The following TTC34 variants were observed in gnomAD, a reference collection of about 807,000 sequenced individuals.
TTC34 encodes the protein tetratricopeptide repeat protein 34.
In TTC34, 44 loss-of-function variants were observed where a neutral mutation model predicts 40.7. That is an observed-to-expected ratio of 1.08 (90% CI 0.85 to 1.39). The LOEUF (loss-of-function observed/expected upper bound fraction) is 1.39. TTC34 is among the 40% of genes most tolerant of loss of function. The pLI is 0.00. For missense variants in TTC34, 884 were observed against 838.0 expected, an observed-to-expected ratio of 1.05 and a Z score of -0.68; for synonymous variants, 422 against 398.6, an observed-to-expected ratio of 1.06 and a Z score of -0.70.
At chr1:2,782,941 T>C (rs977080843) in intron 6 of TTC34, among the ~76,000 whole-genome samples, 2 of 152,246 alleles carry the variant, frequency 1.3e-5, no homozygotes, top group Non-Finnish European at 2.9e-5. Context: ...TGCAGTGCAG[T>C]TGCAAGCAAG....
At chr1:2,752,453 C>A (rs1641354112) in intron 6 of TTC34, among the ~76,000 whole-genome samples, 11 of 149,226 alleles carry the variant, frequency 7.4e-5, no homozygotes, top group Non-Finnish European at 1.0e-4. Context: ...ACCCTGCACC[C>A]CCAGGTGCGC....
chr1:2,768,287 T>G (rs979268823), intron 6 of TTC34, among the ~76,000 whole-genome samples: 2 of 152,066 alleles, frequency 1.3e-5, no homozygotes, highest in Non-Finnish European at 2.9e-5. Context: ...AAGGTGCCAT[T>G]GTAGGTTTTT....
intron 2 of TTC34, among the ~76,000 whole-genome samples, chr1:2,798,842 T>C (rs1447660984): frequency 8.4e-4 from 26 of 31,094 alleles, no homozygotes; most frequent in Admixed American, 2.6e-3. Flanking sequence ...TCCCAGCCTC[T>C]CAGCCTCCAA....
At chr1:2,652,331 G>T (rs1639168838) in intron 6 of TTC34, among the ~76,000 whole-genome samples, 1 of 152,250 alleles carries the variant, frequency 6.6e-6, no homozygotes. Flanking sequence ...CACACCCCCA[G>T]GTGAGCATCT....
chr1:2,756,547 C>T (rs1641511806), intron 6 of TTC34, among the ~76,000 whole-genome samples: 1 of 144,298 alleles, frequency 6.9e-6, no homozygotes, highest in Non-Finnish European at 1.5e-5. Flanking sequence ...AGCACCCACA[C>T]TCCAGGTGAG....
At position 2,686,354 on chromosome 1, in the gene TTC34, C is replaced by CG. The variant is rs1640345691; in HGVS notation, c.2227-40792_2227-40791insC. 5.9e-5 allele frequency among the ~76,000 whole-genome samples: 9 copies of CG among 151,268 alleles called. No individual in the cohort carries two copies. The East Asian group carries it at 1.2e-3, about 20-fold the overall frequency. On this transcript the variant is annotated intron_variant, in intron 6 of 8. Coordinates refer to ENST00000401095, the Ensembl canonical transcript of TTC34. ...GAGCATCCGACAGCCTGGAGCAGCA[C>CG]CCACACCCCCAGGTGCGCATGTGAT...
At chr1:2,698,891 CCAGGT>C (rs1640993490) in intron 6 of TTC34, among the ~76,000 whole-genome samples, 1 of 149,658 alleles carries the variant, frequency 6.7e-6, no homozygotes, top group African/African-American at 2.5e-5. Context: ...ACCCACACCC[CCAGGT>C]GAGCATCTGA....
chr1:2,683,325 C>G (rs1342548151), intron 6 of TTC34, among the ~76,000 whole-genome samples: 1 of 149,846 alleles, frequency 6.7e-6, no homozygotes, highest in African/African-American at 2.5e-5. Flanking sequence ...AGGTGAGCAT[C>G]TGACAGACTG....
chr1:2,786,061 A>C, intron 4 of TTC34, 38 bp from the exon 5 acceptor site: 1 of 1,419,430 alleles, frequency 7.0e-7, no homozygotes, highest in Non-Finnish European at 9.3e-7. Context: ...TGCCCTTGGG[A>C]CCGATGCCCT....
rs1456220951 is a variant in TTC34, at chr1:2,748,943, C to G, written c.2226+34666G>C. Reference sequence around the variant, plus strand: ...CACCGCCAGGGGAGTATCTGACAGACTGGAACAGCACCCTGCTTCCCCAGG... The same window carrying G: ...CACCGCCAGGGGAGTATCTGACAGAGTGGAACAGCACCCTGCTTCCCCAGG... On this transcript the variant is annotated intron_variant, in intron 6 of 8. Transcript: ENST00000401095. Among the ~76,000 whole-genome samples the G allele has an allele frequency of 1.7e-5, 2 of 116,762 alleles. 1 individual carries two copies. Among genetic ancestry groups the G allele is most frequent in the Admixed American group, 1.7e-4 (2 of 12,046 alleles). 76.6% of individuals were successfully genotyped at this position (116,762 alleles called of 152,430 possible).
At chr1:2,690,057 ACC>A (rs1640545117) in intron 6 of TTC34, among the ~76,000 whole-genome samples, 1 of 139,428 alleles carries the variant, frequency 7.2e-6, no homozygotes, top group Non-Finnish European at 1.5e-5. Context: ...CAGCACCCAC[ACC>A]GCCAGGCGAG....
chr1:2,787,688 G>T, exon 4 of TTC34: 1 of 1,546,300 alleles, frequency 6.5e-7, no homozygotes, highest in Non-Finnish European at 8.7e-7. Flanking sequence ...TGGCCAGCTG[G>T]TGCACGCCGC....
At chr1:2,646,107 C>G (rs544960669) in intron 6 of TTC34, among the ~76,000 whole-genome samples, 2 of 152,192 alleles carry the variant, frequency 1.3e-5, no homozygotes, top group Admixed American at 1.3e-4. Flanking sequence ...CCCAGCCCAT[C>G]TGGTGCACAA....
intron 6 of TTC34, among the ~76,000 whole-genome samples, chr1:2,690,390 G>T (rs1486395543): frequency 6.6e-6 from 1 of 151,788 alleles, no homozygotes. Flanking sequence ...CCCCAGGCGA[G>T]CATCTGACCC....
rs1641224985 is a variant in TTC34, at chr1:2,748,718, C to A, written c.2226+34891G>T. On this transcript the variant is annotated intron_variant, in intron 6 of 8. Coordinates refer to ENST00000401095, the Ensembl canonical transcript of TTC34. ...ATCTGACAGCCTGGAACAGAACCCA[C>A]ACCTCCAGGTGAGCATCTGACAGAC... Among the ~76,000 whole-genome samples the A allele has an allele frequency of 7.6e-5, 9 of 118,490 alleles. 1 individual carries two copies. Among genetic ancestry groups the A allele is most frequent in the Admixed American group, 6.8e-4 (8 of 11,796 alleles). The allele number at this position is 118,490 out of a possible 152,430, so 77.7% of individuals were successfully genotyped here.
intron 6 of TTC34, among the ~76,000 whole-genome samples, chr1:2,685,236 C>A (rs1251812812): frequency 2.0e-5 from 1 of 50,170 alleles, no homozygotes; most frequent in South Asian, 1.6e-3. Context: ...GCAGCACCCA[C>A]ACCCCAGGTG....
At position 2,765,808 on chromosome 1, in the gene TTC34, A is replaced by C. The variant is rs1458975885; in HGVS notation, c.2226+17801T>G. Among the ~76,000 whole-genome samples the C allele has an allele frequency of 3.9e-3, 48 of 12,440 alleles. 3 individuals carry two copies. The highest frequency in any genetic ancestry group is 6.8e-3 in the South Asian group (1 of 148). 8.2% of individuals were successfully genotyped at this position (12,440 alleles called of 152,430 possible). ...GCAGCGCCCACACCCCCGGGCGAGCATCTGACAGCCTGGAGCAGCACCCAC... is the reference window on the plus strand; with the variant it reads ...GCAGCGCCCACACCCCCGGGCGAGCCTCTGACAGCCTGGAGCAGCACCCAC... On this transcript the variant is annotated intron_variant, in intron 6 of 8. Transcript: ENST00000401095.
chr1:2,685,099 G>T (rs979486928), intron 6 of TTC34, among the ~76,000 whole-genome samples: 2 of 140,530 alleles, frequency 1.4e-5, no homozygotes, highest in Non-Finnish European at 3.0e-5. Context: ...GCACGTGACA[G>T]CTTGGATCAG....
intron 6 of TTC34, among the ~76,000 whole-genome samples, chr1:2,652,511 A>AGAACCC (rs1639180633): frequency 4.9e-5 from 1 of 20,262 alleles, no homozygotes; most frequent in South Asian, 1.8e-3. Flanking sequence ...GACGGCCTGC[A>AGAACCC]ACAGCACCCA....
Sources: gnomAD v4.1 joint callset for allele counts (sites outside exome capture counted in the v4.1 genomes callset) on GRCh38, gnomAD v4.1.1 for gene constraint, MANE v1.5 for transcripts, NCBI Gene and HGNC (gene_info 2026-07-23, HGNC 2026-07-21) for gene names.